Variants in BMPR1B observed in about 807,000 individuals in gnomAD.
BMPR1B encodes the protein bone morphogenetic protein receptor type 1B.
In BMPR1B, 12 loss-of-function variants were observed where a neutral mutation model predicts 59.1. The observed-to-expected ratio is 0.20, with a 90% CI of 0.13 to 0.33. The LOEUF (loss-of-function observed/expected upper bound fraction) is 0.33. Ranked by LOEUF, BMPR1B falls within the 10% of genes least tolerant of loss-of-function variation. The probability of loss-of-function intolerance (pLI) is 1.00; values close to 1 mark genes in which losing one functional copy is unlikely to be tolerated. For missense variants in BMPR1B, 550 were observed against 610.9 expected, an observed-to-expected ratio of 0.90 and a Z score of 1.05; for synonymous variants, 237 against 207.3, an observed-to-expected ratio of 1.14 and a Z score of -1.23.
intron 3 of BMPR1B, among the ~76,000 whole-genome samples, chr4:95,027,430 A>T (rs1161276687): frequency 1.3e-5 from 2 of 152,162 alleles, no homozygotes; most frequent in Non-Finnish European, 2.9e-5. Flanking sequence ...TGTGATTCTG[A>T]GGGGGAAACT....
chr4:95,013,408 A>C (rs1723358623), intron 3 of BMPR1B, among the ~76,000 whole-genome samples: 1 of 152,174 alleles, frequency 6.6e-6, no homozygotes, highest in South Asian at 2.1e-4. Context: ...GGTCAGTACT[A>C]AAGGACCCAC....
At chr4:95,060,522 T>G (rs1727282068) in intron 3 of BMPR1B, among the ~76,000 whole-genome samples, 2 of 152,224 alleles carry the variant, frequency 1.3e-5, no homozygotes, top group Non-Finnish European at 2.9e-5. Context: ...ACAATCCAAG[T>G]ATGAGCTGAA....
intron 1 of BMPR1B, among the ~76,000 whole-genome samples, chr4:94,769,364 A>G (rs1722084946): frequency 6.6e-6 from 1 of 152,172 alleles, no homozygotes; most frequent in Admixed American, 6.5e-5. Context: ...TAATCCTAGC[A>G]CTTTGGGAGG....
chr4:95,114,627 T>C, intron 4 of BMPR1B, 93 bp from the exon 5 acceptor site: 5 of 1,061,894 alleles, frequency 4.7e-6, no homozygotes, highest in Non-Finnish European at 7.3e-6. Context: ...TACACATCAC[T>C]TATTTCCTTT....
intron 10 of BMPR1B, among the ~76,000 whole-genome samples, chr4:95,146,749 C>T (rs565880168): frequency 1.1e-3 from 163 of 152,292 alleles, no homozygotes; most frequent in African/African-American, 3.8e-3. Context: ...GACATGCTGG[C>T]ACCACATTAG....
At chr4:95,045,604 T>C (rs1725991724) in intron 3 of BMPR1B, among the ~76,000 whole-genome samples, 1 of 152,204 alleles carries the variant, frequency 6.6e-6, no homozygotes, top group East Asian at 1.9e-4. Context: ...AATTCCTACT[T>C]ATCTTTGAAG....
chr4:94,876,237 G>A (rs1395149105), intron 2 of BMPR1B, among the ~76,000 whole-genome samples: 2 of 149,970 alleles, frequency 1.3e-5, no homozygotes, highest in East Asian at 1.9e-4. Flanking sequence ...ATATCATCAC[G>A]ATAACATGTT....
At chr4:95,055,454 C>T (rs542493764) in intron 3 of BMPR1B, among the ~76,000 whole-genome samples, 1 of 152,242 alleles carries the variant, frequency 6.6e-6, no homozygotes, top group East Asian at 1.9e-4. Context: ...GCAAAATATA[C>T]TGAAAATCTG....
chr4:95,109,038 C>CT (rs1023204536), intron 4 of BMPR1B, among the ~76,000 whole-genome samples: 1 of 152,076 alleles, frequency 6.6e-6, no homozygotes, highest in African/African-American at 2.4e-5. Flanking sequence ...TCAGATCTGG[C>CT]TTTGCATATC....
At chr4:95,154,411 G>A in intron 12 of BMPR1B, 137 bp from the exon 13 acceptor site, 1 of 1,228,824 alleles carries the variant, frequency 8.1e-7, no homozygotes, top group South Asian at 1.4e-5. Flanking sequence ...AAAGCTTACA[G>A]AATTTTACTT....
chr4:94,984,011 G>T (rs1166345689), intron 2 of BMPR1B, among the ~76,000 whole-genome samples: 3 of 152,280 alleles, frequency 2.0e-5, no homozygotes, highest in African/African-American at 7.2e-5. Flanking sequence ...ATTATAAAAT[G>T]GATTTGTCAG....
chr4:94,918,068 C>A (rs1010481177), intron 2 of BMPR1B, among the ~76,000 whole-genome samples: 1 of 152,086 alleles, frequency 6.6e-6, no homozygotes, highest in Non-Finnish European at 1.5e-5. Flanking sequence ...TCCCTAGAAG[C>A]CTTTCAGATG....
At chr4:95,087,114 C>T (rs531464393) in intron 3 of BMPR1B, among the ~76,000 whole-genome samples, 15 of 151,346 alleles carry the variant, frequency 9.9e-5, no homozygotes, top group East Asian at 2.0e-4. Context: ...CTTCAGCCTC[C>T]GCCTCCAGGC....
intron 2 of BMPR1B, among the ~76,000 whole-genome samples, chr4:94,916,860 G>C (rs764140070): frequency 3.3e-5 from 5 of 152,218 alleles, no homozygotes; most frequent in Non-Finnish European, 5.9e-5. Flanking sequence ...GGCCATCACA[G>C]GCTCAGAGGC....
At chr4:95,082,445 T>C (rs1729232318) in intron 3 of BMPR1B, among the ~76,000 whole-genome samples, 1 of 151,972 alleles carries the variant, frequency 6.6e-6, no homozygotes, top group Non-Finnish European at 1.5e-5. Flanking sequence ...TCTAGTCCCC[T>C]CATCATTTGT....
At chr4:94,961,614 T>C (rs1450330684) in intron 2 of BMPR1B, among the ~76,000 whole-genome samples, 1 of 152,176 alleles carries the variant, frequency 6.6e-6, no homozygotes, top group Non-Finnish European at 1.5e-5. Flanking sequence ...TGGCAAGCTT[T>C]CCTAAACAGA....
chr4:94,803,349 CTG>C (rs1420313746), intron 1 of BMPR1B, among the ~76,000 whole-genome samples: 3 of 152,156 alleles, frequency 2.0e-5, no homozygotes, highest in Non-Finnish European at 4.4e-5. Context: ...TGCTAAAACT[CTG>C]TATCTCCTCT....
At chr4:94,915,894 C>T (rs896355124) in intron 2 of BMPR1B, among the ~76,000 whole-genome samples, 2 of 152,138 alleles carry the variant, frequency 1.3e-5, no homozygotes, top group Admixed American at 6.5e-5. Context: ...GGCTTGATGC[C>T]GTCTTCACAA....
At chr4:94,977,320 T>G (rs1383515946) in intron 2 of BMPR1B, among the ~76,000 whole-genome samples, 1 of 152,206 alleles carries the variant, frequency 6.6e-6, no homozygotes, top group African/African-American at 2.4e-5. Flanking sequence ...TTAAAGGGTT[T>G]TGGTAGTCAC....
Sources: gnomAD v4.1 joint callset for allele counts (sites outside exome capture counted in the v4.1 genomes callset) on GRCh38, gnomAD v4.1.1 for gene constraint, MANE v1.5 for transcripts, NCBI Gene and HGNC (gene_info 2026-07-23, HGNC 2026-07-21) for gene names.